Variants in FBXO4 observed in about 807,000 individuals in gnomAD.
FBXO4 encodes the protein F-box protein 4.
A neutral mutation model predicts 43.7 loss-of-function variants in FBXO4; 36 were observed. That is an observed-to-expected ratio of 0.82 (90% CI 0.63 to 1.09). The LOEUF is 1.09. Among genes scored for constraint, FBXO4 ranks in the 50% least tolerant of loss-of-function variants. The pLI is 0.00. For missense variants in FBXO4, 435 were observed against 474.1 expected (o/e 0.92, Z 0.77); for synonymous variants, 180 against 165.6 (o/e 1.09, Z -0.67).
the FBXO4 span, chr5:41,967,808 C>A: frequency 4.9e-6 from 3 of 611,404 alleles, no homozygotes; most frequent in African/African-American, 5.5e-5. Context: ...AGAAGGAGGC[C>A]ATCTACATTA....
the FBXO4 span, among the ~76,000 whole-genome samples, chr5:41,996,903 G>A: frequency 7.4e-4 from 113 of 152,320 alleles, no homozygotes; most frequent in African/African-American, 2.6e-3. Flanking sequence ...TAAGTCCAGT[G>A]TGTTTGCTAC....
At chr5:41,928,419 C>G (rs1751578904) in intron 2 of FBXO4, 1 of 151,782 alleles carries the variant, frequency 6.6e-6, no homozygotes, top group African/African-American at 2.4e-5. Flanking sequence ...ACTGCAAGCT[C>G]CGCCTCCTGG....
the FBXO4 span, among the ~76,000 whole-genome samples, chr5:41,971,772 T>C: frequency 6.6e-6 from 1 of 152,118 alleles, no homozygotes; most frequent in Non-Finnish European, 1.5e-5. Context: ...AATAGATTGA[T>C]TAAAATAAAT....
chr5:41,991,475 T>C, the FBXO4 span, among the ~76,000 whole-genome samples: 1 of 152,186 alleles, frequency 6.6e-6, no homozygotes, highest in Non-Finnish European at 1.5e-5. Context: ...CCCACATACA[T>C]TCCTGGGTTT....
chr5:41,980,686 G>T, the FBXO4 span, among the ~76,000 whole-genome samples: 1 of 151,060 alleles, frequency 6.6e-6, no homozygotes, highest in African/African-American at 2.4e-5. Context: ...CCCTTTCTTT[G>T]TGAATTAAAG....
At chr5:42,012,716 G>A in the FBXO4 span, among the ~76,000 whole-genome samples, 2 of 152,066 alleles carry the variant, frequency 1.3e-5, no homozygotes, top group Non-Finnish European at 2.9e-5. Context: ...GTCTGTGAAG[G>A]CAAAGGCAGT....
At chr5:41,979,344 CT>C in the FBXO4 span, among the ~76,000 whole-genome samples, 2 of 152,170 alleles carry the variant, frequency 1.3e-5, no homozygotes, top group Non-Finnish European at 1.5e-5. Context: ...ATGTCTCTGG[CT>C]TTATCACTTA....
At chr5:42,030,033 A>G in the FBXO4 span, among the ~76,000 whole-genome samples, 5 of 152,260 alleles carry the variant, frequency 3.3e-5, no homozygotes, top group East Asian at 7.7e-4. Context: ...CATATTGCCC[A>G]AGGTAATTTA....
chr5:42,014,513 A>G, the FBXO4 span, among the ~76,000 whole-genome samples: 1 of 152,198 alleles, frequency 6.6e-6, no homozygotes, highest in Non-Finnish European at 1.5e-5. Flanking sequence ...TGAGTCAGAC[A>G]GGTTTGACTT....
the FBXO4 span, among the ~76,000 whole-genome samples, chr5:41,960,580 G>T: frequency 6.6e-6 from 1 of 152,032 alleles, no homozygotes. Context: ...AATTTTGTTT[G>T]TGCCTTTTCT....
chr5:41,931,088 G>C (rs1278961647), intron 3 of FBXO4, among the ~76,000 whole-genome samples: 1 of 152,232 alleles, frequency 6.6e-6, no homozygotes, highest in Non-Finnish European at 1.5e-5. Flanking sequence ...GGAGCTGCTG[G>C]AGGATTTTAA....
chr5:41,959,361 CT>C, the FBXO4 span, among the ~76,000 whole-genome samples: 498 of 152,094 alleles, frequency 3.3e-3, 5 homozygotes, highest in African/African-American at 0.011. Flanking sequence ...ACTCTGTTGA[CT>C]TTTTTTCTTT....
chr5:41,932,811 T>C (rs1463218599), intron 3 of FBXO4, among the ~76,000 whole-genome samples: 1 of 152,094 alleles, frequency 6.6e-6, no homozygotes, highest in Admixed American at 6.5e-5. Flanking sequence ...AGAACATTTA[T>C]ATAACAGGAT....
chr5:41,991,654 C>T, the FBXO4 span, among the ~76,000 whole-genome samples: 3 of 152,146 alleles, frequency 2.0e-5, no homozygotes, highest in African/African-American at 7.2e-5. Flanking sequence ...TTTTTGCTCT[C>T]TCCTAAAATC....
At chr5:41,930,020 G>A in intron 3 of FBXO4, 103 bp downstream of exon 3, 2 of 975,348 alleles carry the variant, frequency 2.1e-6, no homozygotes, top group Non-Finnish European at 3.0e-6. Flanking sequence ...CTATAATGAA[G>A]TACAGTACTT....
At chr5:42,001,156 C>A in the FBXO4 span, among the ~76,000 whole-genome samples, 98 of 152,316 alleles carry the variant, frequency 6.4e-4, 1 homozygote, top group East Asian at 0.015. Flanking sequence ...CTCTCTAGAT[C>A]AATTTGGGTA....
At chr5:41,999,062 G>A in the FBXO4 span, among the ~76,000 whole-genome samples, 3 of 137,676 alleles carry the variant, frequency 2.2e-5, no homozygotes, top group Non-Finnish European at 3.2e-5. Context: ...GTCCATATAT[G>A]GACCACATAT....
At chr5:41,951,040 C>A in the FBXO4 span, among the ~76,000 whole-genome samples, 1 of 151,996 alleles carries the variant, frequency 6.6e-6, no homozygotes, top group Non-Finnish European at 1.5e-5. Flanking sequence ...GGGAGGTGAA[C>A]ATCACACACC....
At chr5:42,019,862 A>G in the FBXO4 span, among the ~76,000 whole-genome samples, 1 of 152,124 alleles carries the variant, frequency 6.6e-6, no homozygotes, top group Non-Finnish European at 1.5e-5. Flanking sequence ...TATTTTAAAT[A>G]ATTGAGTGAC....
Sources: gnomAD v4.1 joint callset for allele counts (sites outside exome capture counted in the v4.1 genomes callset) on GRCh38, gnomAD v4.1.1 for gene constraint, MANE v1.5 for transcripts, NCBI Gene and HGNC (gene_info 2026-07-23, HGNC 2026-07-21) for gene names.